RGS7: variants seen among roughly 807,000 people sequenced by gnomAD.
RGS7 encodes regulator of G-protein signaling 7.
In RGS7, 27 loss-of-function variants were observed where a neutral mutation model predicts 81.1. The ratio of observed to expected loss-of-function variants is 0.33; its 90% confidence interval spans 0.25 to 0.46. The LOEUF (loss-of-function observed/expected upper bound fraction) is 0.46, where lower values mean the gene tolerates loss of function less well. Ranked by LOEUF, RGS7 falls within the 20% of genes least tolerant of loss-of-function variation. RGS7 has a pLI of 1.00. For synonymous variants in RGS7, 208 were observed against 207.7 expected (o/e 1.00, Z -0.01); for missense variants, 396 against 607.4 (o/e 0.65, Z 3.66).
intron 5 of RGS7, among the ~76,000 whole-genome samples, chr1:240,934,361 C>A (rs1463604953): frequency 6.6e-6 from 1 of 152,182 alleles, no homozygotes; most frequent in South Asian, 2.1e-4. Context: ...AAATATCCTT[C>A]CAAGGAGTTG....
intron 2 of RGS7, among the ~76,000 whole-genome samples, chr1:241,242,583 C>T (rs2076318348): frequency 6.6e-6 from 1 of 152,176 alleles, no homozygotes; most frequent in African/African-American, 2.4e-5. Context: ...TACTGGTTTA[C>T]ATTCCCACCA....
intron 3 of RGS7, among the ~76,000 whole-genome samples, chr1:241,080,401 C>T (rs374770727): frequency 2.0e-5 from 3 of 151,964 alleles, no homozygotes; most frequent in African/African-American, 7.3e-5. Flanking sequence ...TACCCTTTGG[C>T]TATCTGATAA....
chr1:241,006,465 G>T (rs1288490973), intron 3 of RGS7, among the ~76,000 whole-genome samples: 1 of 152,090 alleles, frequency 6.6e-6, no homozygotes, highest in Non-Finnish European at 1.5e-5. Flanking sequence ...CAAGAACATG[G>T]CACACACAGT....
chr1:241,132,618 A>T (rs2067184105), intron 2 of RGS7, among the ~76,000 whole-genome samples: 1 of 152,086 alleles, frequency 6.6e-6, no homozygotes, highest in Non-Finnish European at 1.5e-5. Flanking sequence ...TATTTTGGAG[A>T]AGAGGTACTT....
At chr1:241,166,805 A>G (rs908783595) in intron 2 of RGS7, among the ~76,000 whole-genome samples, 2 of 152,164 alleles carry the variant, frequency 1.3e-5, no homozygotes, top group Non-Finnish European at 2.9e-5. Flanking sequence ...TAATGTGCTA[A>G]GAACAATCTC....
intron 13 of RGS7, 32 bp downstream of exon 13, chr1:240,813,586 C>T (rs1690270828): frequency 7.7e-7 from 1 of 1,295,640 alleles, no homozygotes; most frequent in Admixed American, 1.7e-5. Context: ...AATAAAGCAA[C>T]ATATGGGCGA....
At chr1:240,777,107 C>A (rs954652790) in intron 18 of RGS7, among the ~76,000 whole-genome samples, 1 of 152,202 alleles carries the variant, frequency 6.6e-6, no homozygotes, top group Non-Finnish European at 1.5e-5. Context: ...CCAGCCTGGC[C>A]AACATGGTGA....
At chr1:240,784,262 T>C (rs934284306) in intron 18 of RGS7, among the ~76,000 whole-genome samples, 3 of 151,688 alleles carry the variant, frequency 2.0e-5, no homozygotes, top group African/African-American at 7.3e-5. Flanking sequence ...ACTGAAGAGA[T>C]TGAGCAGAAA....
intron 2 of RGS7, among the ~76,000 whole-genome samples, chr1:241,346,373 C>A (rs1186100663): frequency 1.5e-5 from 2 of 130,142 alleles, no homozygotes; most frequent in Non-Finnish European, 3.3e-5. Flanking sequence ...TTACCATACA[C>A]ATAGCTGCCC....
Position 240,853,857 on chromosome 1 carries a change from G to T in RGS7, c.609+14730C>A, listed in dbSNP as rs376476029. On this transcript the variant is annotated intron_variant, in intron 9 of 18. Transcript: ENST00000440928. The stretch of plus-strand genomic sequence containing the variant: ...CGGAGCTTGCAGTGAGCCGAGATCA[G>T]GCCACTGCACTCCAGCCTGGGCGAC... Among the ~76,000 whole-genome samples the T allele has an allele frequency of 4.0e-4, 49 of 121,242 alleles. No homozygotes were observed. The East Asian group carries it at 0.01, about 25-fold the overall frequency. The allele number at this position is 121,242 out of a possible 152,430, so 79.5% of individuals were successfully genotyped here.
intron 3 of RGS7, among the ~76,000 whole-genome samples, chr1:241,028,216 A>G (rs1295894600): frequency 6.6e-6 from 1 of 152,214 alleles, no homozygotes; most frequent in Non-Finnish European, 1.5e-5. Flanking sequence ...AGACTCAACC[A>G]TAGAGTTCTC....
At chr1:240,918,915 A>G (rs261851) in intron 6 of RGS7, among the ~76,000 whole-genome samples, 78,237 of 151,642 alleles carry the variant, frequency 0.52, 20,825 homozygotes, top group Middle Eastern at 0.65. Flanking sequence ...GATCCCCTTT[A>G]TCCTAAAAAT....
intron 2 of RGS7, among the ~76,000 whole-genome samples, chr1:241,178,657 G>C (rs908416881): frequency 1.3e-5 from 2 of 152,200 alleles, no homozygotes; most frequent in Admixed American, 6.5e-5. Flanking sequence ...CCAATTACTA[G>C]GTGACATGTT....
intron 3 of RGS7, among the ~76,000 whole-genome samples, chr1:240,996,686 G>C (rs1231022344): frequency 1.3e-5 from 2 of 151,964 alleles, no homozygotes; most frequent in African/African-American, 4.8e-5. Flanking sequence ...ACCTGACTAT[G>C]TTGTTATATT....
In RGS7 at chr1:241,011,577, G is replaced by C. The variant is rs553903836; in HGVS notation, c.176-28448C>G. On this transcript the variant is annotated intron_variant, in intron 3 of 18. Transcript: ENST00000440928. ...CCAGAGTGACTCCATCTTGAGTAAG[G>C]GCTAGGGAAAAAATGAGGCTGGGAC... Among the ~76,000 whole-genome samples the C allele has an allele frequency of 3.9e-5, 6 of 152,232 alleles. No individual in the cohort carries two copies. The East Asian group carries it at 9.7e-4, about 25-fold the overall frequency.
At chr1:240,999,695 G>A (rs1361013408) in intron 3 of RGS7, among the ~76,000 whole-genome samples, 4 of 152,082 alleles carry the variant, frequency 2.6e-5, no homozygotes, top group Non-Finnish European at 5.9e-5. Context: ...CTACCTCCCA[G>A]GCTCAAATGA....
chr1:241,355,656 G>C (rs754582635), intron 2 of RGS7, 43 bp downstream of exon 2: 11 of 1,564,490 alleles, frequency 7.0e-6, no homozygotes, highest in Non-Finnish European at 8.8e-6. Context: ...AATCGAGAAA[G>C]CCGGAAGTTT....
chr1:241,005,066 A>G (rs2058613989), intron 3 of RGS7, among the ~76,000 whole-genome samples: 1 of 152,180 alleles, frequency 6.6e-6, no homozygotes, highest in Admixed American at 6.5e-5. Context: ...GAGGTGCCCA[A>G]CACAGACTGA....
intron 2 of RGS7, among the ~76,000 whole-genome samples, chr1:241,295,817 T>C (rs974864440): frequency 2.0e-5 from 3 of 152,144 alleles, no homozygotes; most frequent in Non-Finnish European, 2.9e-5. Context: ...AGCCTGACTA[T>C]GTGGTCTCAG....
Sources: gnomAD v4.1 joint callset for allele counts (sites outside exome capture counted in the v4.1 genomes callset) on GRCh38, gnomAD v4.1.1 for gene constraint, MANE v1.5 for transcripts, NCBI Gene and HGNC (gene_info 2026-07-23, HGNC 2026-07-21) for gene names.